KCNQ2: variants seen among roughly 807,000 people sequenced by gnomAD.
KCNQ2 encodes the protein potassium voltage-gated channel subfamily Q member 2.
Under a neutral mutation model 84.8 loss-of-function variants are expected in KCNQ2, and 14 were observed. That is an observed-to-expected ratio of 0.17 (90% CI 0.11 to 0.26). KCNQ2 has a LOEUF of 0.26. Among genes scored for constraint, KCNQ2 ranks in the 10% least tolerant of loss-of-function variants. The pLI is 1.00. For missense variants in KCNQ2, 788 were observed against 1,254.0 expected, an observed-to-expected ratio of 0.63 and a Z score of 5.61; for synonymous variants, 599 against 554.1, an observed-to-expected ratio of 1.08 and a Z score of -1.14.
chr20:63,464,577 C>T (rs1022323730), intron 1 of KCNQ2, among the ~76,000 whole-genome samples: 9 of 152,160 alleles, frequency 5.9e-5, no homozygotes, highest in Non-Finnish European at 8.8e-5. Context: ...GGCCGCCTAA[C>T]CCCACAGGGA....
intron 1 of KCNQ2, among the ~76,000 whole-genome samples, chr20:63,456,836 G>A (rs1435697725): frequency 6.6e-6 from 1 of 152,208 alleles, no homozygotes; most frequent in Non-Finnish European, 1.5e-5. Flanking sequence ...GAAATTCCCT[G>A]TCCAGAACAA....
intron 2 of KCNQ2, 144 bp from the exon 3 acceptor site, chr20:63,445,508 C>CCCCA: frequency 4.7e-6 from 1 of 214,604 alleles, no homozygotes; most frequent in South Asian, 4.8e-5. Context: ...CTGACCCCCC[C>CCCCA]ACCCCTCTCC....
At position 63,407,133 on chromosome 20, in the gene KCNQ2, G is replaced by A; in HGVS notation, c.2130C>T (p.Val710=). 6.4e-7 allele frequency: 1 copy of A among 1,563,416 alleles called. No homozygotes were observed. Among genetic ancestry groups the A allele is most frequent in the Non-Finnish European group, 8.6e-7 (1 of 1,158,184 alleles). Residue 710 remains valine (V), a synonymous_variant, in exon 17 of 17, where the codon GTC becomes GTT. Transcript: ENST00000359125. This position sits in a 1 kb window ranked among gnomAD's most constrained non-coding sequence, Gnocchi z 7.2. The stretch of plus-strand genomic sequence containing the variant: ...GCCAGGAGGTGGAGGGCGGACACTG[G>A]ACAGGGGGCGCGGCCGGGGGCGCCG... ...NFSAPPAAPP[V]QCPPSTSWQP...
chr20:63,466,945 G>GC (rs1322080841), intron 1 of KCNQ2, among the ~76,000 whole-genome samples: 2 of 152,244 alleles, frequency 1.3e-5, no homozygotes, highest in South Asian at 2.1e-4. Flanking sequence ...AGTTAAGACA[G>GC]CCCCCCGTGA....
At chr20:63,456,463 G>A (rs890451732) in intron 1 of KCNQ2, among the ~76,000 whole-genome samples, 6 of 152,130 alleles carry the variant, frequency 3.9e-5, no homozygotes, top group Non-Finnish European at 5.9e-5. Flanking sequence ...CTCATCTTGC[G>A]TATTTAGTTA....
At chr20:63,428,529 G>T in intron 9 of KCNQ2, 94 bp from the exon 10 acceptor site, 1 of 1,105,990 alleles carries the variant, frequency 9.0e-7, no homozygotes, top group Non-Finnish European at 1.3e-6. Context: ...GCAGGCGCCT[G>T]CAGTGTCAGA....
In KCNQ2 at chr20:63,438,438, A is replaced by G. The variant is rs1600750117; in HGVS notation, c.1023+187T>C. On this transcript the variant is annotated intron_variant, in intron 7 of 16. Coordinates refer to ENST00000359125, the MANE Select transcript of KCNQ2 (RefSeq NM_172107.4). The surrounding 1 kb of genome is among the most constrained non-coding windows in gnomAD (Gnocchi z 5.1). ...ACACGAGCCACCCCTGTGCAGCCTC[A>G]GGGGTTGGAGCCATTTCTCAACACA... is the stretch of plus-strand genomic sequence containing the variant. 1.5e-6 allele frequency: 1 copy of G among 653,760 alleles called. No homozygotes were observed. Among genetic ancestry groups the G allele is most frequent in the Non-Finnish European group, 2.8e-6 (1 of 361,234 alleles). 40.5% of individuals were successfully genotyped at this position (653,760 alleles called of 1,614,324 possible). A position where few individuals can be genotyped will look rare whatever the true frequency, so the allele number is the denominator to read the frequency against.
chr20:63,443,040 C>CACG (rs2081268194), intron 4 of KCNQ2, among the ~76,000 whole-genome samples: 1 of 86,974 alleles, frequency 1.1e-5, no homozygotes, highest in Non-Finnish European at 2.5e-5. Flanking sequence ...TCACCACCAC[C>CACG]ATCACCATCA....
At chr20:63,439,904 C>G in intron 5 of KCNQ2, 196 bp from the exon 6 acceptor site, 1 of 644,322 alleles carries the variant, frequency 1.6e-6, no homozygotes, top group Non-Finnish European at 2.8e-6. Context: ...CTCCTCTTCC[C>G]CTACAGGCCA....
At position 63,407,419 on chromosome 20, in the gene KCNQ2, G is replaced by A. The variant is rs1300477395; in HGVS notation, c.1888-44C>T. ...GGCTGGGGTGCGAGGGCCCGTCCCA[G>A]GAGATGTGGGGACCCAGGCTGCTCC... On this transcript the variant is annotated intron_variant, in intron 16 of 16. Transcript: ENST00000359125. The surrounding 1 kb of genome is among the most constrained non-coding windows in gnomAD (Gnocchi z 7.2). 1.3e-6 allele frequency: 2 copies of A among 1,591,670 alleles called. No individual in the cohort carries two copies. The highest frequency in any genetic ancestry group is 1.7e-6 in the Non-Finnish European group (2 of 1,176,090).
intron 1 of KCNQ2, among the ~76,000 whole-genome samples, chr20:63,456,658 C>G (rs1455886406): frequency 6.6e-6 from 1 of 152,184 alleles, no homozygotes; most frequent in Non-Finnish European, 1.5e-5. Flanking sequence ...AGGAGGGAAG[C>G]AGCCCTACAG....
In KCNQ2 at chr20:63,442,725, T is replaced by TCACCAC. The variant is rs1568934026; in HGVS notation, c.691-195_691-194insGTGGTG. On this transcript the variant is annotated intron_variant, in intron 4 of 16. Coordinates refer to ENST00000359125, the MANE Select transcript of KCNQ2 (RefSeq NM_172107.4). ...ATCACCATCACCACCACCACCACCA[T>TCACCAC]CATCACCACCTCCACCATCACCACC... 0.24 allele frequency among the ~76,000 whole-genome samples: 7,659 copies of TCACCAC among 32,590 alleles called. 671 individuals carry two copies. The highest frequency in any genetic ancestry group is 0.28 in the Non-Finnish European group (5,183 of 18,412). 21.4% of individuals were successfully genotyped at this position (32,590 alleles called of 152,430 possible).
At chr20:63,410,668 T>C (rs544463991) in intron 15 of KCNQ2, among the ~76,000 whole-genome samples, 9 of 152,298 alleles carry the variant, frequency 5.9e-5, no homozygotes, top group Non-Finnish European at 1.2e-4. Flanking sequence ...AACTCCGTTC[T>C]CACGGGAGGA....
At chr20:63,432,416 G>A (rs1175692176) in intron 8 of KCNQ2, among the ~76,000 whole-genome samples, 2 of 147,292 alleles carry the variant, frequency 1.4e-5, no homozygotes, top group African/African-American at 2.5e-5. Context: ...CCACCCTCAG[G>A]GAAGGCCCCA....
At chr20:63,412,112 C>T (rs535063046) in intron 15 of KCNQ2, 1 of 510,812 alleles carries the variant, frequency 2.0e-6, no homozygotes, top group South Asian at 2.1e-5. Context: ...GGCGGCCCCA[C>T]TGCGGAGACC....
In KCNQ2 at chr20:63,438,359, C is replaced by A; in HGVS notation, c.1023+266G>T. 1 of 570,538 alleles carries A rather than the reference C, an allele frequency of 1.8e-6. No individual in the cohort carries two copies. The highest frequency in any genetic ancestry group is 3.2e-6 in the Non-Finnish European group (1 of 316,368). 35.3% of individuals were successfully genotyped at this position (570,538 alleles called of 1,614,324 possible). On this transcript the variant is annotated intron_variant, in intron 7 of 16. Transcript: ENST00000359125. This position sits in a 1 kb window ranked among gnomAD's most constrained non-coding sequence, Gnocchi z 5.1. ...ACCTCCCAGGGTGCGGTAGAGAGGACCTGATGGCCGGGCCCCAGCACCCAC... is the reference window on the plus strand; with the variant it reads ...ACCTCCCAGGGTGCGGTAGAGAGGAACTGATGGCCGGGCCCCAGCACCCAC...
At chr20:63,449,000 A>G (rs2081523767) in intron 1 of KCNQ2, 1 of 152,214 alleles carries the variant, frequency 6.6e-6, no homozygotes, top group African/African-American at 2.4e-5. Context: ...ACGGCCAGCG[A>G]GTGGTGGCCC....
Position 63,401,730 on chromosome 20 carries a change from G to T in KCNQ2, c.*4914C>A, listed in dbSNP as rs891086911. 3 of 178,802 alleles carry T rather than the reference G, an allele frequency of 1.7e-5. No individual in the cohort carries two copies. The highest frequency in any genetic ancestry group is 3.6e-5 in the Non-Finnish European group (3 of 84,158). 11.1% of individuals were successfully genotyped at this position (178,802 alleles called of 1,614,324 possible). ...CGGACAGGATCAGAGGACACTGGGG[G>T]CACCCGTGCACTGAGCACCCACCCC... On this transcript the variant is annotated 3_prime_UTR_variant, in exon 17 of 17. Coordinates refer to ENST00000359125, the MANE Select transcript of KCNQ2 (RefSeq NM_172107.4).
chr20:63,437,620 G>C (rs1600746957), intron 7 of KCNQ2, among the ~76,000 whole-genome samples: 1 of 152,200 alleles, frequency 6.6e-6, no homozygotes, highest in African/African-American at 2.4e-5. Context: ...GCATGTGATT[G>C]CATTTAGGGC....
Sources: gnomAD v4.1 joint callset for allele counts (sites outside exome capture counted in the v4.1 genomes callset) on GRCh38, gnomAD v4.1.1 for gene constraint, Gnocchi (gnomAD v3.1) non-coding constraint, MANE v1.5 for transcripts, NCBI Gene and HGNC (gene_info 2026-07-23, HGNC 2026-07-21) for gene names.